SHISAL1: variants seen among roughly 807,000 people sequenced by gnomAD.
The protein encoded by SHISAL1 is protein shisa-like-1.
SHISAL1 carries 9 observed loss-of-function variants against 22.6 expected under a neutral mutation model. The observed-to-expected ratio is 0.40, with a 90% CI of 0.24 to 0.70. SHISAL1 has a LOEUF of 0.70. SHISAL1 is among the 30% of genes least tolerant of loss of function. The pLI, the probability that SHISAL1 is intolerant of heterozygous loss-of-function variation, is 0.39. For synonymous variants in SHISAL1, 119 were observed against 115.4 expected, an observed-to-expected ratio of 1.03 and a Z score of -0.20; for missense variants, 246 against 270.6, an observed-to-expected ratio of 0.91 and a Z score of 0.64.
At chr22:44,269,704 C>A (rs2055193367) in intron 4 of SHISAL1, among the ~76,000 whole-genome samples, 1 of 151,196 alleles carries the variant, frequency 6.6e-6, no homozygotes, top group Admixed American at 6.6e-5. Flanking sequence ...CACACACTCA[C>A]AACACATACA....
At chr22:44,289,553 C>A (rs375725980) in intron 3 of SHISAL1, among the ~76,000 whole-genome samples, 2 of 152,012 alleles carry the variant, frequency 1.3e-5, no homozygotes, top group Non-Finnish European at 1.5e-5. Context: ...CATGACATGA[C>A]CCCCGGCCCT....
chr22:44,306,199 G>A (rs1056656674), intron 1 of SHISAL1, among the ~76,000 whole-genome samples: 1 of 152,216 alleles, frequency 6.6e-6, no homozygotes, highest in Non-Finnish European at 1.5e-5. Context: ...TGTTCACAAG[G>A]CCAAAGTCAT....
At chr22:44,323,666 TCCATCCATCCATCCA>T in the SHISAL1 span, among the ~76,000 whole-genome samples, 1 of 147,324 alleles carries the variant, frequency 6.8e-6, no homozygotes, top group Admixed American at 6.8e-5. Flanking sequence ...CATCCATCCA[TCCATCCATCCATCCA>T]TCCATCCATC....
At chr22:44,277,929 G>A (rs2055251111) in intron 4 of SHISAL1, among the ~76,000 whole-genome samples, 1 of 152,226 alleles carries the variant, frequency 6.6e-6, no homozygotes, top group African/African-American at 2.4e-5. Context: ...CCAGGCTGGA[G>A]GGACACGGAG....
At position 44,245,638 on chromosome 22, in the gene SHISAL1, A is replaced by C. The variant is rs1221878458; in HGVS notation, c.*4047T>G. 2 of 152,632 alleles carry C rather than the reference A, an allele frequency of 1.3e-5. No homozygotes were observed. The highest frequency in any genetic ancestry group is 4.8e-5 in the African/African-American group (2 of 41,446). The allele number at this position is 152,632 out of a possible 1,614,324, so 9.5% of individuals were successfully genotyped here. ...GGCCTGCCTGGGGATGGCAGCTGGA[A>C]TCCTGAGCCAACCTGGACAGCGGCC... On this transcript the variant is annotated 3_prime_UTR_variant, in exon 5 of 5. Coordinates refer to ENST00000381176, the MANE Select transcript of SHISAL1 (RefSeq NM_001099294.2).
intron 4 of SHISAL1, among the ~76,000 whole-genome samples, chr22:44,266,525 G>GGTGTGTGTGTGTGTGTGTGTGTGT (rs386395566): frequency 2.2e-5 from 1 of 45,650 alleles, no homozygotes. Context: ...GGGGCTTTGG[G>GGTGTGTGTGTGTGTGTGTGTGTGT]GTATGTGTGT....
In SHISAL1 at chr22:44,290,566, C is replaced by T. The variant is rs192990224; in HGVS notation, c.282-4821G>A. Among the ~76,000 whole-genome samples, 416 of 146,470 alleles carry T rather than the reference C, an allele frequency of 2.8e-3. 6 individuals are homozygous for T. The highest frequency in any genetic ancestry group is 0.01 in the African/African-American group (393 of 38,418). Reference sequence around the variant, plus strand: ...AAAACAAAAAACGGGAGTATGGAGCCCATTGGCAGGAGTGGCCTCGGGTCC... The same window carrying T: ...AAAACAAAAAACGGGAGTATGGAGCTCATTGGCAGGAGTGGCCTCGGGTCC... On this transcript the variant is annotated intron_variant, in intron 3 of 4. Transcript: ENST00000381176.
chr22:44,274,328 C>T (rs2055225014), intron 4 of SHISAL1, among the ~76,000 whole-genome samples: 1 of 152,164 alleles, frequency 6.6e-6, no homozygotes, highest in South Asian at 2.1e-4. Flanking sequence ...CAAAAGCTGC[C>T]TCACTGCACC....
the SHISAL1 span, among the ~76,000 whole-genome samples, chr22:44,320,289 TA>T: frequency 6.6e-6 from 1 of 152,174 alleles, no homozygotes; most frequent in Non-Finnish European, 1.5e-5. Flanking sequence ...TGAGTTCCTA[TA>T]CACTGTTGGT....
At chr22:44,297,710 G>C (rs980210789) in intron 2 of SHISAL1, among the ~76,000 whole-genome samples, 2 of 152,252 alleles carry the variant, frequency 1.3e-5, no homozygotes, top group African/African-American at 4.8e-5. Context: ...AAACAGGACT[G>C]AAAGTCTGAA....
the SHISAL1 span, among the ~76,000 whole-genome samples, chr22:44,323,443 A>G: frequency 3.3e-5 from 3 of 89,994 alleles, no homozygotes; most frequent in African/African-American, 4.7e-5. Flanking sequence ...CCATCCATCA[A>G]CCATCCATCC....
At chr22:44,301,568 G>A (rs111384460) in intron 1 of SHISAL1, among the ~76,000 whole-genome samples, 2,773 of 152,254 alleles carry the variant, frequency 0.018, 84 homozygotes, top group African/African-American at 0.063. Context: ...ATCCCAAGGC[G>A]CAGAAAACAG....
chr22:44,290,210 C>T (rs896858690), intron 3 of SHISAL1, among the ~76,000 whole-genome samples: 1 of 152,148 alleles, frequency 6.6e-6, no homozygotes, highest in African/African-American at 2.4e-5. Context: ...GGCCGATGGC[C>T]CCTCTGCTAA....
At chr22:44,305,138 C>G (rs1343127376) in intron 1 of SHISAL1, among the ~76,000 whole-genome samples, 1 of 152,246 alleles carries the variant, frequency 6.6e-6, no homozygotes. Context: ...ATTTTATCAG[C>G]TGGAAAAAGT....
At chr22:44,305,293 G>A (rs2055462509) in intron 1 of SHISAL1, among the ~76,000 whole-genome samples, 1 of 152,228 alleles carries the variant, frequency 6.6e-6, no homozygotes, top group African/African-American at 2.4e-5. Context: ...GAACACAGAA[G>A]AGGTGAGTCC....
chr22:44,263,279 T>C (rs1275167441), intron 4 of SHISAL1, among the ~76,000 whole-genome samples: 3 of 152,056 alleles, frequency 2.0e-5, no homozygotes, highest in South Asian at 2.1e-4. Flanking sequence ...CCATGTTGGC[T>C]AGGCTGGTCT....
intron 4 of SHISAL1, among the ~76,000 whole-genome samples, chr22:44,281,766 C>T (rs2055278286): frequency 6.6e-6 from 1 of 152,150 alleles, no homozygotes; most frequent in African/African-American, 2.4e-5. Flanking sequence ...CAAGAAACTT[C>T]ACAGTCTGAG....
intron 4 of SHISAL1, among the ~76,000 whole-genome samples, chr22:44,270,572 C>T (rs542288206): frequency 5.3e-5 from 8 of 152,142 alleles, no homozygotes; most frequent in African/African-American, 9.7e-5. Context: ...TCAGCAGTGC[C>T]GGGCAGGGAG....
At chr22:44,299,757 A>AAGACAG (rs2055412895) in intron 2 of SHISAL1, among the ~76,000 whole-genome samples, 1 of 150,686 alleles carries the variant, frequency 6.6e-6, no homozygotes, top group South Asian at 2.1e-4. Flanking sequence ...GAGTCAGAGA[A>AAGACAG]AGACAGAGAC....
Sources: gnomAD v4.1 joint callset for allele counts (sites outside exome capture counted in the v4.1 genomes callset) on GRCh38, gnomAD v4.1.1 for gene constraint, MANE v1.5 for transcripts, NCBI Gene and HGNC (gene_info 2026-07-23, HGNC 2026-07-21) for gene names.